The following GAPVD1 variants were observed in gnomAD, a reference collection of about 807,000 sequenced individuals.
The protein encoded by GAPVD1 is GTPase-activating protein and VPS9 domain-containing protein 1.
In GAPVD1, 35 loss-of-function variants were observed where a neutral mutation model predicts 155.5. The ratio of observed to expected loss-of-function variants is 0.23; its 90% confidence interval spans 0.17 to 0.30. GAPVD1 has a LOEUF of 0.30. Ranked by LOEUF, GAPVD1 falls within the 10% of genes least tolerant of loss-of-function variation. The probability of loss-of-function intolerance (pLI) is 1.00; values close to 1 mark genes in which losing one functional copy is unlikely to be tolerated. For missense variants in GAPVD1, 1,429 were observed against 1,775.7 expected (o/e 0.80, Z 3.51); for synonymous variants, 636 against 619.7 (o/e 1.03, Z -0.39).
chr9:125,296,762 A>G (rs1839956257), intron 3 of GAPVD1, among the ~76,000 whole-genome samples: 2 of 150,278 alleles, frequency 1.3e-5, no homozygotes, highest in Admixed American at 1.3e-4. Flanking sequence ...CCTGGGTTCA[A>G]GTTTCTCCTG....
chr9:125,340,269 C>T lies in GAPVD1; in HGVS notation c.2878-908C>T, dbSNP rs376198733. 4.5e-3 allele frequency among the ~76,000 whole-genome samples: 681 copies of T among 152,294 alleles called. 5 individuals are homozygous for T. The highest frequency in any genetic ancestry group is 0.015 in the African/African-American group (641 of 41,566). ...CTCCTGACTTCAGGTGATCCACCCACCTCGGCCTTCCAAAGTGCTGGGATT... is the reference window on the plus strand; with the variant it reads ...CTCCTGACTTCAGGTGATCCACCCATCTCGGCCTTCCAAAGTGCTGGGATT... On this transcript the variant is annotated intron_variant, in intron 17 of 27. Coordinates refer to ENST00000297933, the MANE Select transcript of GAPVD1 (RefSeq NM_001282680.3).
In GAPVD1 at chr9:125,326,506, C is replaced by G. The variant is rs770718048; in HGVS notation, c.1949C>G (p.Thr650Arg). Reference sequence around the variant, plus strand: ...ACAGATGATAGGGACATATCAGAAACAGTGAGTGAGACCTGGAGTACAGAC... The same window carrying G: ...ACAGATGATAGGGACATATCAGAAAGAGTGAGTGAGACCTGGAGTACAGAC... ...GLTDDRDISETVSETWSTDVL... is the reference protein window; with the variant it reads ...GLTDDRDISERVSETWSTDVL... Residue 650 changes from threonine to arginine, a missense_variant, in exon 12 of 28, where the codon ACA (threonine) becomes AGA (arginine). This residue lies in a region of GAPVD1 where 699 missense variants were observed against 826.0 expected (regional missense o/e 0.85). Coordinates refer to ENST00000297933, the MANE Select transcript of GAPVD1 (RefSeq NM_001282680.3). 1.9e-6 allele frequency: 3 copies of G among 1,608,702 alleles called. No individual in the cohort carries two copies. The highest frequency in any genetic ancestry group is 2.6e-6 in the Non-Finnish European group (3 of 1,174,970).
intron 2 of GAPVD1, among the ~76,000 whole-genome samples, chr9:125,290,490 C>G (rs1038570817): frequency 1.3e-5 from 2 of 152,112 alleles, no homozygotes; most frequent in African/African-American, 4.8e-5. Context: ...AAGTATGATA[C>G]TGTGAGCTTG....
At chr9:125,344,262 T>G (rs1848228003) in intron 19 of GAPVD1, among the ~76,000 whole-genome samples, 1 of 152,220 alleles carries the variant, frequency 6.6e-6, no homozygotes, top group South Asian at 2.1e-4. Flanking sequence ...TTTTCCATAT[T>G]TGTACGTGGC....
In GAPVD1 at chr9:125,307,867, T is replaced by C. The variant is rs149468309; in HGVS notation, c.1428T>C (p.Asn476=). 4.4e-5 allele frequency: 71 copies of C among 1,604,806 alleles called. No homozygotes were observed. The African/African-American group carries it at 9.0e-4, about 20-fold the overall frequency. Residue 476 remains asparagine, a synonymous_variant, in exon 8 of 28, where the codon AAT becomes AAC. Coordinates refer to ENST00000297933, the MANE Select transcript of GAPVD1 (RefSeq NM_001282680.3). ...SPATTPANKK[N]RLPIATRSRS... ...CAACCACTCCAGCAAATAAAAAGAATCGATTACCTATAGGTAAAGAGAATT... is the reference window on the plus strand; with the variant it reads ...CAACCACTCCAGCAAATAAAAAGAACCGATTACCTATAGGTAAAGAGAATT...
At chr9:125,294,190 G>C (rs1191177640) in intron 2 of GAPVD1, among the ~76,000 whole-genome samples, 1 of 151,848 alleles carries the variant, frequency 6.6e-6, no homozygotes. Context: ...ACAGGCGTGA[G>C]CCACTGTGCC....
chr9:125,283,596 C>T (rs1313311256), intron 2 of GAPVD1, among the ~76,000 whole-genome samples: 2 of 152,036 alleles, frequency 1.3e-5, no homozygotes, highest in African/African-American at 4.8e-5. Flanking sequence ...CTCCTGGGCT[C>T]AAGTGGTCCT....
rs1383263226 is a variant in GAPVD1 at position 125,326,576 on chromosome 9, G to T, written c.2019G>T (p.Leu673Phe). 6.2e-7 allele frequency: 1 copy of T among 1,610,250 alleles called. No individual in the cohort carries two copies. The highest frequency in any genetic ancestry group is 1.7e-5 in the Admixed American group (1 of 59,816). ...ACCCTAATATTGATGAAGATCGCTT[G>T]CAAGAAATTGCAGGTAACTGCCATT... ...DFDPNIDEDRLQEIAGAAAEN... is the reference protein window; with the variant it reads ...DFDPNIDEDRFQEIAGAAAEN... Residue 673 changes from leucine (L) to phenylalanine (F), a missense_variant, in exon 12 of 28, where the codon TTG becomes TTT. This residue lies in a region of GAPVD1 where 699 missense variants were observed against 826.0 expected (regional missense o/e 0.85). Transcript: ENST00000297933.
chr9:125,288,116 T>C (rs1457236406), intron 2 of GAPVD1, among the ~76,000 whole-genome samples: 2 of 149,884 alleles, frequency 1.3e-5, no homozygotes, highest in Non-Finnish European at 3.0e-5. Context: ...TAGTTAATTT[T>C]TTTTTTTTTT....
At chr9:125,353,110 GA>G (rs1043914029) in intron 23 of GAPVD1, among the ~76,000 whole-genome samples, 178 of 139,528 alleles carry the variant, frequency 1.3e-3, no homozygotes, top group East Asian at 5.8e-3. Context: ...TCTGTCTCAA[GA>G]AAAAAAAAAA....
Position 125,342,222 on chromosome 9 carries a change from C to T in GAPVD1, c.2969C>T (p.Pro990Leu). The T allele has an allele frequency of 1.3e-6, 2 of 1,517,274 alleles. No homozygotes were observed. Among genetic ancestry groups the T allele is most frequent in the Non-Finnish European group, 1.8e-6 (2 of 1,091,598 alleles). The allele number at this position is 1,517,274 out of a possible 1,614,324, so 94.0% of individuals were successfully genotyped here. A position where few individuals can be genotyped will look rare whatever the true frequency, so the allele number is the denominator to read the frequency against. The change falls in exon 19 of 28, where the codon CCT becomes CTT. Residue 990 changes from proline to leucine, a missense_variant. By Grantham distance (98) the Pro-to-Leu change is moderately conservative. Around this residue, in one of 4 missense-constraint regions of GAPVD1, gnomAD observed 699 missense variants for 826.0 expected, o/e 0.85. Coordinates refer to ENST00000297933, the MANE Select transcript of GAPVD1 (RefSeq NM_001282680.3). ...KRFVSAMPKA[P>L]IPFRKKEKQE... is the part of the protein sequence containing the mutation. ...ACTGACTTTATTTAATTTCCAGCTC[C>T]TATACCATTTAGAAAGAAAGAAAAA...
rs1316062463 is a variant in GAPVD1, at chr9:125,293,849, ATT to A, written c.-149-1606_-149-1605del. 4.7e-3 allele frequency among the ~76,000 whole-genome samples: 227 copies of A among 48,502 alleles called. 9 individuals carry two copies. In the South Asian group the frequency reaches 0.05, roughly 11 times the overall value. The allele number at this position is 48,502 out of a possible 152,430, so 31.8% of individuals were successfully genotyped here. ...TAAAAAAATATATATATAAAAATAT[ATT>A]TTATATATATATATATATATATATA... On this transcript the variant is annotated intron_variant, in intron 2 of 27. Coordinates refer to ENST00000297933, the MANE Select transcript of GAPVD1 (RefSeq NM_001282680.3).
At chr9:125,338,130 TCC>T (rs1847301605) in intron 17 of GAPVD1, among the ~76,000 whole-genome samples, 1 of 152,234 alleles carries the variant, frequency 6.6e-6, no homozygotes, top group South Asian at 2.1e-4. Flanking sequence ...TGCCTTGGCC[TCC>T]CAGAGTTGCT....
intron 1 of GAPVD1, among the ~76,000 whole-genome samples, chr9:125,267,282 T>C (rs977365165): frequency 4.6e-5 from 7 of 152,186 alleles, no homozygotes; most frequent in African/African-American, 1.7e-4. Flanking sequence ...TGAGGCAAGG[T>C]CTTGCTCTGT....
intron 13 of GAPVD1, 96 bp downstream of exon 13, chr9:125,330,314 A>C (rs1845899547): frequency 1.3e-6 from 1 of 785,652 alleles, no homozygotes; most frequent in Non-Finnish European, 1.9e-6. Flanking sequence ...TTTGTCAAAT[A>C]CACTTTTTTT....
intron 23 of GAPVD1, among the ~76,000 whole-genome samples, chr9:125,352,518 G>C (rs1315892423): frequency 6.6e-6 from 1 of 152,232 alleles, no homozygotes; most frequent in East Asian, 1.9e-4. Flanking sequence ...TAGAGCGGCC[G>C]GAGGGCAGGG....
At chr9:125,332,395 G>A (rs1411047339) in intron 14 of GAPVD1, 115 bp from the exon 15 acceptor site, 9 of 785,216 alleles carry the variant, frequency 1.1e-5, no homozygotes, top group African/African-American at 1.7e-5. Context: ...AAACTCACAT[G>A]TATAGAACTG....
chr9:125,289,623 T>G (rs1428680850), intron 2 of GAPVD1, among the ~76,000 whole-genome samples: 1 of 152,090 alleles, frequency 6.6e-6, no homozygotes, highest in Non-Finnish European at 1.5e-5. Flanking sequence ...AAGCAGGTGT[T>G]TTTTAGGGGA....
intron 15 of GAPVD1, 33 bp downstream of exon 15, chr9:125,332,662 T>C (rs1203626372): frequency 1.3e-6 from 2 of 1,593,076 alleles, no homozygotes; most frequent in African/African-American, 2.7e-5. Context: ...ACTTAAAAAA[T>C]GACCACATCC....
Sources: allele counts gnomAD v4.1 joint callset (sites outside exome capture counted in the v4.1 genomes callset), GRCh38; gene constraint gnomAD v4.1.1; regional missense constraint gnomAD v4.1.1; transcripts MANE v1.5; gene names NCBI Gene and HGNC (gene_info 2026-07-23, HGNC 2026-07-21).